CDH18: variants seen among roughly 807,000 people sequenced by gnomAD.
CDH18 encodes the protein cadherin 18.
A neutral mutation model predicts 67.9 loss-of-function variants in CDH18; 31 were observed. The observed-to-expected ratio is 0.46, with a 90% CI of 0.34 to 0.62. The LOEUF (loss-of-function observed/expected upper bound fraction) is 0.62, where lower values mean the gene tolerates loss of function less well. CDH18 is among the 20% of genes least tolerant of loss of function. The probability of loss-of-function intolerance (pLI) is 0.01; values close to 1 mark genes in which losing one functional copy is unlikely to be tolerated. For synonymous variants in CDH18, 362 were observed against 347.2 expected (o/e 1.04, Z -0.48); for missense variants, 890 against 975.5 (o/e 0.91, Z 1.17).
chr5:19,586,478 A>G (rs560798106), intron 7 of CDH18, among the ~76,000 whole-genome samples: 11 of 152,230 alleles, frequency 7.2e-5, no homozygotes, highest in Non-Finnish European at 1.6e-4. Flanking sequence ...CTGTTCCCGC[A>G]TTAGTTTGCC....
intron 2 of CDH18, among the ~76,000 whole-genome samples, chr5:19,970,066 A>T (rs1167179549): frequency 6.6e-6 from 1 of 151,960 alleles, no homozygotes; most frequent in Non-Finnish European, 1.5e-5. Flanking sequence ...TACATGAGTG[A>T]TAACCATGAA....
chr5:19,650,257 C>T (rs539872415), intron 5 of CDH18, among the ~76,000 whole-genome samples: 2 of 148,140 alleles, frequency 1.4e-5, no homozygotes, highest in Non-Finnish European at 3.0e-5. Flanking sequence ...AGAAATCCCT[C>T]TTTCCCAAAA....
chr5:20,262,366 G>GAA (rs1744719906), intron 1 of CDH18, among the ~76,000 whole-genome samples: 1 of 152,198 alleles, frequency 6.6e-6, no homozygotes, highest in African/African-American at 2.4e-5. Context: ...CACAATGTTG[G>GAA]AAGGGACTTG....
chr5:20,500,641 G>T (rs1183347494), intron 1 of CDH18, among the ~76,000 whole-genome samples: 1 of 152,108 alleles, frequency 6.6e-6, no homozygotes, highest in Non-Finnish European at 1.5e-5. Flanking sequence ...GCTGTAAATG[G>T]ATTTAAAGCA....
At chr5:20,450,001 A>C (rs1429845156) in intron 1 of CDH18, among the ~76,000 whole-genome samples, 5 of 150,472 alleles carry the variant, frequency 3.3e-5, no homozygotes, top group Admixed American at 1.3e-4. Flanking sequence ...TTTTTTTTTT[A>C]ATTTGCTGAA....
intron 5 of CDH18, among the ~76,000 whole-genome samples, chr5:19,707,449 C>T (rs1376304535): frequency 1.3e-5 from 2 of 152,138 alleles, no homozygotes; most frequent in Non-Finnish European, 1.5e-5. Context: ...ACCACTTCTA[C>T]GGCCTGTAAC....
At chr5:19,948,079 G>A (rs1287468588) in intron 2 of CDH18, among the ~76,000 whole-genome samples, 1 of 152,146 alleles carries the variant, frequency 6.6e-6, no homozygotes, top group Non-Finnish European at 1.5e-5. Flanking sequence ...CCATAATGCA[G>A]TATCACAAAC....
intron 2 of CDH18, among the ~76,000 whole-genome samples, chr5:20,038,154 T>C (rs185507418): frequency 1.1e-3 from 173 of 151,986 alleles, no homozygotes; most frequent in Non-Finnish European, 1.2e-3. Context: ...AATGAGGAAG[T>C]AGTCAAATCC....
At chr5:20,406,641 C>T (rs1746293542) in intron 1 of CDH18, among the ~76,000 whole-genome samples, 1 of 151,816 alleles carries the variant, frequency 6.6e-6, no homozygotes, top group Non-Finnish European at 1.5e-5. Flanking sequence ...TAGAAACTAT[C>T]AAGAATTGAA....
intron 2 of CDH18, among the ~76,000 whole-genome samples, chr5:19,880,203 T>A (rs2150052702): frequency 6.6e-6 from 1 of 151,870 alleles, no homozygotes; most frequent in South Asian, 2.1e-4. Context: ...ACACTGAAAC[T>A]CCCTTAGATG....
At chr5:20,108,011 T>C (rs1747121334) in intron 2 of CDH18, among the ~76,000 whole-genome samples, 1 of 150,880 alleles carries the variant, frequency 6.6e-6, no homozygotes, top group Admixed American at 6.6e-5. Flanking sequence ...CTAGTCATAT[T>C]GAATGGGGAT....
chr5:19,925,269 A>G (rs1309502837), intron 2 of CDH18, among the ~76,000 whole-genome samples: 1 of 152,144 alleles, frequency 6.6e-6, no homozygotes, highest in Non-Finnish European at 1.5e-5. Flanking sequence ...AGCAATTCAT[A>G]TAAGATTTTA....
intron 2 of CDH18, among the ~76,000 whole-genome samples, chr5:19,846,677 A>AT (rs1782995317): frequency 6.6e-6 from 1 of 152,130 alleles, no homozygotes; most frequent in Admixed American, 6.6e-5. Context: ...AGATTTTGGT[A>AT]TAAACAGGGG....
At position 20,558,488 on chromosome 5, in the gene CDH18, G is replaced by T. The variant is rs189694305; in HGVS notation, c.-580+16974C>A. On this transcript the variant is annotated intron_variant, in intron 1 of 14. Coordinates refer to the CDH18 transcript ENST00000507958. The stretch of plus-strand genomic sequence containing the variant: ...AAATTACAGAGAAAGTAAGAGATAA[G>T]AAAGGCCTCTGAACTGGCATGAACC... Among the ~76,000 whole-genome samples the T allele has an allele frequency of 4.3e-3, 654 of 152,196 alleles. 4 individuals carry two copies. The highest frequency in any genetic ancestry group is 9.1e-3 in the South Asian group (44 of 4,818).
chr5:20,435,775 C>T (rs1382563500), intron 1 of CDH18, among the ~76,000 whole-genome samples: 3 of 151,964 alleles, frequency 2.0e-5, no homozygotes, highest in African/African-American at 7.2e-5. Flanking sequence ...TTTTAAGATA[C>T]TTAACTGTCA....
At chr5:19,745,346 A>C (rs10941441) in intron 4 of CDH18, among the ~76,000 whole-genome samples, 107,793 of 152,084 alleles carry the variant, frequency 0.71, 42,776 homozygotes, top group East Asian at 0.95. Context: ...TGTTTAGTAT[A>C]CTGTCTTCCT....
intron 2 of CDH18, among the ~76,000 whole-genome samples, chr5:19,900,635 T>A (rs934127080): frequency 6.6e-6 from 1 of 152,186 alleles, no homozygotes; most frequent in African/African-American, 2.4e-5. Context: ...TGCCAAGCTT[T>A]CAAAAATTAT....
intron 9 of CDH18, among the ~76,000 whole-genome samples, chr5:19,534,204 A>G (rs1057306145): frequency 2.6e-5 from 4 of 152,256 alleles, no homozygotes; most frequent in East Asian, 1.9e-4. Flanking sequence ...CAGTGTCCAC[A>G]TGCCTTTCAT....
At chr5:20,244,327 C>T (rs1743210197) in intron 2 of CDH18, among the ~76,000 whole-genome samples, 1 of 152,052 alleles carries the variant, frequency 6.6e-6, no homozygotes. Flanking sequence ...GTTCAAAAAA[C>T]TATTTCTGAC....
Sources: gnomAD v4.1 joint callset for allele counts (sites outside exome capture counted in the v4.1 genomes callset) on GRCh38, gnomAD v4.1.1 for gene constraint, MANE v1.5 for transcripts, NCBI Gene and HGNC (gene_info 2026-07-23, HGNC 2026-07-21) for gene names.